KLF9: variants seen among roughly 807,000 people sequenced by gnomAD.
The protein encoded by KLF9 is Krueppel-like factor 9.
KLF9 carries 2 observed loss-of-function variants against 17.3 expected under a neutral mutation model. The ratio of observed to expected loss-of-function variants is 0.12; its 90% CI spans 0.05 to 0.36. The LOEUF (loss-of-function observed/expected upper bound fraction) is 0.36. Ranked by LOEUF, KLF9 falls within the 10% of genes least tolerant of loss-of-function variation. The probability of loss-of-function intolerance (pLI) is 1.00; values close to 1 mark genes in which losing one functional copy is unlikely to be tolerated. For missense variants in KLF9, 226 were observed against 333.2 expected (o/e 0.68, Z 2.51); for synonymous variants, 138 against 139.2 (o/e 0.99, Z 0.06).
intron 1 of KLF9, among the ~76,000 whole-genome samples, chr9:70,405,563 C>T (rs531439288): frequency 1.3e-5 from 2 of 152,262 alleles, no homozygotes; most frequent in Admixed American, 6.5e-5. Flanking sequence ...TGGCTTAGAT[C>T]GTGAGCAAAC....
chr9:70,396,373 G>A (rs1289450107), intron 1 of KLF9, among the ~76,000 whole-genome samples: 2 of 152,168 alleles, frequency 1.3e-5, no homozygotes, highest in African/African-American at 4.8e-5. Flanking sequence ...TGTGAAAAAG[G>A]TACCAGACTG....
At chr9:70,412,182 T>G (rs1305660728) in intron 1 of KLF9, among the ~76,000 whole-genome samples, 3 of 63,828 alleles carry the variant, frequency 4.7e-5, no homozygotes, top group African/African-American at 1.4e-4. Context: ...CTAAGTCACA[T>G]GGCCAAAAAA....
At position 70,414,205 on chromosome 9, in the gene KLF9, A is replaced by C. The variant is rs1254072568; in HGVS notation, c.-842T>G. The C allele has an allele frequency of 6.6e-6, 1 of 152,270 alleles. No homozygotes were observed. The highest frequency in any genetic ancestry group is 1.5e-5 in the Non-Finnish European group (1 of 68,070). The allele number at this position is 152,270 out of a possible 1,614,324, so 9.4% of individuals were successfully genotyped here. Reference sequence around the variant, plus strand: ...GGAGGCAGGGAAGGGGCAGCCGCACACTTTCGGAGTGCCTCGCGGTCCCGT... The same window carrying C: ...GGAGGCAGGGAAGGGGCAGCCGCACCCTTTCGGAGTGCCTCGCGGTCCCGT... On this transcript the variant is annotated 5_prime_UTR_variant, in exon 1 of 2. Transcript: ENST00000377126.
chr9:70,413,372 C>A lies in KLF9; in HGVS notation c.-9G>T. 6 of 1,502,270 alleles carry A rather than the reference C, an allele frequency of 4.0e-6. No individual in the cohort carries two copies. Among genetic ancestry groups the A allele is most frequent in the Non-Finnish European group, 5.3e-6 (6 of 1,127,316 alleles). The allele number at this position is 1,502,270 out of a possible 1,614,324, so 93.1% of individuals were successfully genotyped here. A position where few individuals can be genotyped will look rare whatever the true frequency, so the allele number is the denominator to read the frequency against. Reference sequence around the variant, plus strand: ...TAGGCGGCCGCGGACATGGTGCGGGCGACGGCAGCCCAGGCGGCGCGGACA... The same window carrying A: ...TAGGCGGCCGCGGACATGGTGCGGGAGACGGCAGCCCAGGCGGCGCGGACA... On this transcript the variant is annotated 5_prime_UTR_variant, in exon 1 of 2. Transcript: ENST00000377126. The surrounding 1 kb of genome is among the most constrained non-coding windows in gnomAD (Gnocchi z 5.6).
intron 1 of KLF9, among the ~76,000 whole-genome samples, chr9:70,396,570 T>C (rs1435308177): frequency 6.6e-6 from 1 of 152,054 alleles, no homozygotes; most frequent in Admixed American, 6.5e-5. Context: ...AGGAGGACTA[T>C]TTGAAGTCAG....
chr9:70,406,747 C>A (rs986949820), intron 1 of KLF9, among the ~76,000 whole-genome samples: 4 of 152,084 alleles, frequency 2.6e-5, no homozygotes, highest in Admixed American at 2.6e-4. Flanking sequence ...AATTTACGCT[C>A]TTCAGTGGGC....
At position 70,387,846 on chromosome 9, in the gene KLF9, G is replaced by C; in HGVS notation, c.665C>G (p.Ala222Gly). The change falls in exon 2 of 2, where the codon GCC (alanine) becomes GGC (glycine). Residue 222 changes from alanine (A) to glycine (G), a missense_variant. Physicochemically the swap from Ala to Gly is moderately conservative, Grantham distance 60. Transcript: ENST00000377126. Reference protein sequence around the residue: ...FMRSDHLTKHARRHTEFHPSM... With the variant: ...FMRSDHLTKHGRRHTEFHPSM... The stretch of plus-strand genomic sequence containing the variant: ...GGGGTGGAACTCGGTGTGCCGCCGG[G>C]CGTGCTTTGTGAGGTGGTCACTCCT... 6.2e-7 allele frequency: 1 copy of C among 1,612,830 alleles called. No homozygotes were observed. The highest frequency in any genetic ancestry group is 1.7e-5 in the Admixed American group (1 of 59,882).
intron 1 of KLF9, among the ~76,000 whole-genome samples, chr9:70,405,134 C>G (rs1259012148): frequency 6.6e-6 from 1 of 152,192 alleles, no homozygotes; most frequent in Non-Finnish European, 1.5e-5. Flanking sequence ...CCAAGATGAT[C>G]TGTAATTTTG....
intron 1 of KLF9, among the ~76,000 whole-genome samples, chr9:70,390,513 A>T (rs1211770464): frequency 6.6e-6 from 1 of 152,204 alleles, no homozygotes; most frequent in Non-Finnish European, 1.5e-5. Context: ...CTTTTGAGCA[A>T]AAGTCAAAAT....
Position 70,414,061 on chromosome 9 carries a change from G to A in KLF9, c.-698C>T, listed in dbSNP as rs997129234. 3 of 152,468 alleles carry A rather than the reference G, an allele frequency of 2.0e-5. No homozygotes were observed. The highest frequency in any genetic ancestry group is 2.1e-4 in the South Asian group (1 of 4,830). 9.4% of individuals were successfully genotyped at this position (152,468 alleles called of 1,614,324 possible). A position where few individuals can be genotyped will look rare whatever the true frequency, so the allele number is the denominator to read the frequency against. ...ACTTTCTCCCCCTGCCAGTCAGAAC[G>A]GCCTTCGGTGGAGAGGTGCGTCTAG... On this transcript the variant is annotated 5_prime_UTR_variant, in exon 1 of 2. Coordinates refer to ENST00000377126, the MANE Select transcript of KLF9 (RefSeq NM_001206.4).
chr9:70,396,891 A>G (rs188019467), intron 1 of KLF9, among the ~76,000 whole-genome samples: 74 of 152,246 alleles, frequency 4.9e-4, no homozygotes, highest in Admixed American at 4.4e-3. Flanking sequence ...TCAAGAATAT[A>G]TTCCAGGCCA....
chr9:70,413,504 C>A lies in KLF9; in HGVS notation c.-141G>T. On this transcript the variant is annotated 5_prime_UTR_variant, in exon 1 of 2. Transcript: ENST00000377126. This position sits in a 1 kb window ranked among gnomAD's most constrained non-coding sequence, Gnocchi z 5.6. The stretch of plus-strand genomic sequence containing the variant: ...CGGCCAAGGGGGCGGGGGCGCGGGG[C>A]GCTTCCGACTCGCAGGAGCGCCGAG... The A allele has an allele frequency of 1.1e-6, 1 of 887,680 alleles. No homozygotes were observed. The highest frequency in any genetic ancestry group is 1.5e-6 in the Non-Finnish European group (1 of 688,578). 55.0% of individuals were successfully genotyped at this position (887,680 alleles called of 1,614,324 possible).
chr9:70,394,116 G>C (rs1298009997), intron 1 of KLF9, among the ~76,000 whole-genome samples: 1 of 151,818 alleles, frequency 6.6e-6, no homozygotes, highest in East Asian at 1.9e-4. Flanking sequence ...GGCTGTGGTA[G>C]CTCACGCCTG....
At chr9:70,411,152 C>T (rs373564667) in intron 1 of KLF9, among the ~76,000 whole-genome samples, 20 of 152,316 alleles carry the variant, frequency 1.3e-4, no homozygotes, top group Admixed American at 1.1e-3. Flanking sequence ...GCCGAATGGC[C>T]CAGAACGCTG....
chr9:70,389,438 A>G (rs1297181738), intron 1 of KLF9, among the ~76,000 whole-genome samples: 1 of 152,184 alleles, frequency 6.6e-6, no homozygotes, highest in Non-Finnish European at 1.5e-5. Flanking sequence ...TGGAAAGCAG[A>G]GTAATGAACT....
chr9:70,389,198 T>A (rs2037135910), intron 1 of KLF9, among the ~76,000 whole-genome samples: 1 of 152,126 alleles, frequency 6.6e-6, no homozygotes, highest in Admixed American at 6.5e-5. Flanking sequence ...ATCCTTTAAA[T>A]ATCTGCAGAC....
intron 1 of KLF9, among the ~76,000 whole-genome samples, chr9:70,401,241 A>G (rs2037219136): frequency 6.6e-6 from 1 of 151,572 alleles, no homozygotes; most frequent in Non-Finnish European, 1.5e-5. Flanking sequence ...CCAGCTATTC[A>G]GGAGACCTAG....
At chr9:70,398,476 A>G (rs1457716166) in intron 1 of KLF9, among the ~76,000 whole-genome samples, 3 of 151,984 alleles carry the variant, frequency 2.0e-5, no homozygotes, top group Non-Finnish European at 4.4e-5. Context: ...AACAAAAGAC[A>G]GCAGATAACA....
At chr9:70,400,856 T>G (rs983552710) in intron 1 of KLF9, among the ~76,000 whole-genome samples, 1 of 152,198 alleles carries the variant, frequency 6.6e-6, no homozygotes, top group Non-Finnish European at 1.5e-5. Context: ...CTAAGTCACA[T>G]GGCTTGATGT....
Sources: gnomAD v4.1 joint callset for allele counts (sites outside exome capture counted in the v4.1 genomes callset) on GRCh38, gnomAD v4.1.1 for gene constraint, Gnocchi (gnomAD v3.1) non-coding constraint, MANE v1.5 for transcripts, NCBI Gene and HGNC (gene_info 2026-07-23, HGNC 2026-07-21) for gene names.